PLCG2: variants seen among roughly 807,000 people sequenced by gnomAD.
PLCG2 encodes the protein phospholipase C gamma 2, also known as 1-phosphatidylinositol 4,5-bisphosphate phosphodiesterase gamma-2.
Under a neutral mutation model 175.6 loss-of-function variants are expected in PLCG2, and 69 were observed. That is an observed-to-expected ratio of 0.39 (90% CI 0.32 to 0.48). The LOEUF is 0.48. Ranked by LOEUF, PLCG2 falls within the 20% of genes least tolerant of loss-of-function variation. PLCG2 has a pLI of 0.91. For synonymous variants in PLCG2, 827 were observed against 624.0 expected (o/e 1.33, Z -4.85); for missense variants, 1,798 against 1,650.9 (o/e 1.09, Z -1.54).
intron 25 of PLCG2, 46 bp downstream of exon 25, chr16:81,931,700 G>T (rs1370420674): frequency 1.3e-6 from 2 of 1,578,674 alleles, no homozygotes; most frequent in Admixed American, 1.7e-5. Flanking sequence ...GCATTCTGAG[G>T]GCTTTGGTGC....
chr16:81,874,464 A>C (rs1432605939), intron 7 of PLCG2, among the ~76,000 whole-genome samples: 1 of 152,256 alleles, frequency 6.6e-6, no homozygotes, highest in African/African-American at 2.4e-5. Flanking sequence ...GCTTCTGGCC[A>C]GCTCTAAGAA....
At chr16:81,912,509 C>T (rs1294135095) in intron 18 of PLCG2, 88 bp from the exon 19 acceptor site, 4 of 1,501,266 alleles carry the variant, frequency 2.7e-6, no homozygotes, top group Non-Finnish European at 2.7e-6. Flanking sequence ...CCAGGTGTCA[C>T]TGGTGCCATT....
intron 5 of PLCG2, among the ~76,000 whole-genome samples, chr16:81,864,590 G>C (rs191471467): frequency 2.6e-5 from 4 of 152,166 alleles, no homozygotes; most frequent in Non-Finnish European, 5.9e-5. Flanking sequence ...AATAGTTCCC[G>C]CCTCCCAGGG....
chr16:81,874,651 C>T (rs867652443), intron 7 of PLCG2, among the ~76,000 whole-genome samples: 3 of 152,162 alleles, frequency 2.0e-5, no homozygotes, highest in African/African-American at 7.2e-5. Context: ...TTTATGGTGA[C>T]TTATAATCCC....
chr16:81,816,810 T>C (rs1597335017), intron 2 of PLCG2, among the ~76,000 whole-genome samples: 1 of 151,906 alleles, frequency 6.6e-6, no homozygotes, highest in Non-Finnish European at 1.5e-5. Context: ...CCAGAAATTA[T>C]GACTTACTCC....
chr16:81,891,447 C>A (rs769733664), intron 10 of PLCG2, 25 bp from the exon 11 acceptor site: 2 of 1,237,530 alleles, frequency 1.6e-6, no homozygotes, highest in Non-Finnish European at 2.4e-6. Flanking sequence ...CGTGATGATT[C>A]GGTCTTCGTG....
At chr16:81,744,244 T>C (rs952564878) in intron 1 of PLCG2, among the ~76,000 whole-genome samples, 1 of 150,106 alleles carries the variant, frequency 6.7e-6, no homozygotes, top group Non-Finnish European at 1.5e-5. Context: ...TTTGGCTCAC[T>C]GTCAGCTCCG....
intron 14 of PLCG2, among the ~76,000 whole-genome samples, chr16:81,902,602 C>G (rs1339833236): frequency 6.6e-6 from 1 of 152,132 alleles, no homozygotes; most frequent in African/African-American, 2.4e-5. Flanking sequence ...CACTGGAGCT[C>G]TACTCTCATT....
chr16:81,745,232 C>T (rs150057808), intron 1 of PLCG2, among the ~76,000 whole-genome samples: 1 of 152,284 alleles, frequency 6.6e-6, no homozygotes, highest in East Asian at 1.9e-4. Flanking sequence ...AGCCTCCCTC[C>T]CACTGATTGG....
In PLCG2 at chr16:81,919,677, C is replaced by G. The variant is rs373135803; in HGVS notation, c.2235+13C>G. The G allele has an allele frequency of 6.2e-7, 1 of 1,605,200 alleles. No homozygotes were observed. Among genetic ancestry groups the G allele is most frequent in the Non-Finnish European group, 8.5e-7 (1 of 1,172,990 alleles). ...GCGCTACAATATGGTAGGTGGTGGA[C>G]TCCCTTGTGATTTGGTGGGATTTCT... On this transcript the variant is annotated intron_variant, in intron 20 of 32. Transcript: ENST00000564138.
chr16:81,816,302 T>C lies in PLCG2; in HGVS notation c.193+30120T>C, dbSNP rs560323248. On this transcript the variant is annotated intron_variant, in intron 2 of 32. Coordinates refer to ENST00000564138, the MANE Select transcript of PLCG2 (RefSeq NM_002661.5). ...GGGAGAATTGCTTGAACCTGGGAGATGGAAGTTACAGTGAGTCCAAATCGT... is the reference window on the plus strand; with the variant it reads ...GGGAGAATTGCTTGAACCTGGGAGACGGAAGTTACAGTGAGTCCAAATCGT... 1.2e-3 allele frequency among the ~76,000 whole-genome samples: 185 copies of C among 152,146 alleles called. 3 individuals carry two copies. The South Asian group carries it at 0.018, about 15-fold the overall frequency.
chr16:81,944,257 C>A (rs1285510781), intron 30 of PLCG2, among the ~76,000 whole-genome samples: 1 of 152,004 alleles, frequency 6.6e-6, no homozygotes, highest in Non-Finnish European at 1.5e-5. Flanking sequence ...TACAGTCAGC[C>A]CTCTGGATCT....
At chr16:81,804,257 A>G (rs1911892167) in intron 2 of PLCG2, among the ~76,000 whole-genome samples, 2 of 152,198 alleles carry the variant, frequency 1.3e-5, no homozygotes, top group African/African-American at 4.8e-5. Flanking sequence ...GTGGAGGTGA[A>G]GTGTTATGTC....
chr16:81,960,673 C>A lies in PLCG2; in HGVS notation c.*2675C>A, dbSNP rs953279925. 1.3e-5 allele frequency: 3 copies of A among 230,442 alleles called. No homozygotes were observed. Among genetic ancestry groups the A allele is most frequent in the Non-Finnish European group, 2.6e-5 (3 of 116,346 alleles). The allele number at this position is 230,442 out of a possible 1,614,324, so 14.3% of individuals were successfully genotyped here. On this transcript the variant is annotated 3_prime_UTR_variant, in exon 33 of 33. Transcript: ENST00000564138. ...CATGGGACTTATCTATAGTGGAACACATTTGAAGACCTACTGCTCTATTAA... is the reference window on the plus strand; with the variant it reads ...CATGGGACTTATCTATAGTGGAACAAATTTGAAGACCTACTGCTCTATTAA...
chr16:81,860,254 A>G (rs1028646785), intron 5 of PLCG2, among the ~76,000 whole-genome samples: 2 of 135,228 alleles, frequency 1.5e-5, no homozygotes, highest in African/African-American at 5.5e-5. Context: ...GTTTTTCTTT[A>G]GATTAATGCA....
chr16:81,780,057 C>A (rs1910660668), intron 1 of PLCG2, among the ~76,000 whole-genome samples: 1 of 152,120 alleles, frequency 6.6e-6, no homozygotes. Flanking sequence ...AAAGACGTGC[C>A]CCGTTTGGAC....
intron 2 of PLCG2, among the ~76,000 whole-genome samples, chr16:81,789,229 A>C (rs906455017): frequency 1.3e-5 from 2 of 152,238 alleles, no homozygotes; most frequent in African/African-American, 4.8e-5. Flanking sequence ...CTTGAAATCT[A>C]TGCCCTGTCA....
intron 4 of PLCG2, among the ~76,000 whole-genome samples, chr16:81,858,865 A>G (rs540351710): frequency 0.17 from 106 of 620 alleles, no homozygotes; most frequent in African/African-American, 0.28. Flanking sequence ...CTTTTTGGGG[A>G]TTAAATGACT....
intron 25 of PLCG2, among the ~76,000 whole-genome samples, chr16:81,933,104 T>A (rs777648981): frequency 1.7e-4 from 26 of 152,262 alleles, no homozygotes; most frequent in Non-Finnish European, 3.5e-4. Context: ...GCGTGAAGGT[T>A]CCTGAAATGA....
Sources: gnomAD v4.1 joint callset for allele counts (sites outside exome capture counted in the v4.1 genomes callset) on GRCh38, gnomAD v4.1.1 for gene constraint, MANE v1.5 for transcripts, NCBI Gene and HGNC (gene_info 2026-07-23, HGNC 2026-07-21) for gene names.